NRXN1: variants seen among roughly 807,000 people sequenced by gnomAD.
NRXN1 encodes the protein neurexin 1.
A neutral mutation model predicts 150.9 loss-of-function variants in NRXN1; 39 were observed. The observed-to-expected ratio is 0.26, with a 90% CI of 0.20 to 0.34. The LOEUF (loss-of-function observed/expected upper bound fraction) is 0.34, where lower values mean the gene tolerates loss of function less well. NRXN1 is among the 10% of genes least tolerant of loss of function. The pLI, the probability that NRXN1 is intolerant of heterozygous loss-of-function variation, is 1.00. For synonymous variants in NRXN1, 924 were observed against 757.0 expected (o/e 1.22, Z -3.62); for missense variants, 1,815 against 1,949.9 (o/e 0.93, Z 1.30).
rs553115015 is a variant in NRXN1, at chr2:50,133,972, C to T, written c.3547-42478G>A. Reference sequence around the variant, plus strand: ...AGGTACTGCTGAGACCTTCTCTAAACCCCAGGAGCAGATGCATCTCTTTCA... The same window carrying T: ...AGGTACTGCTGAGACCTTCTCTAAATCCCAGGAGCAGATGCATCTCTTTCA... On this transcript the variant is annotated intron_variant, in intron 18 of 22. Transcript: ENST00000401669. Among the ~76,000 whole-genome samples the T allele has an allele frequency of 8.5e-5, 13 of 152,216 alleles. No individual in the cohort carries two copies. In the South Asian group the frequency reaches 2.5e-3, roughly 29 times the overall value.
At chr2:50,583,762 G>C (rs995786169) in intron 8 of NRXN1, among the ~76,000 whole-genome samples, 1 of 152,146 alleles carries the variant, frequency 6.6e-6, no homozygotes, top group Non-Finnish European at 1.5e-5. Context: ...ACCCCGACCA[G>C]ATGTCCTAGC....
chr2:50,271,360 A>G (rs2069602293), intron 17 of NRXN1, among the ~76,000 whole-genome samples: 2 of 152,176 alleles, frequency 1.3e-5, no homozygotes, highest in African/African-American at 2.4e-5. Context: ...TAGAGGAAAA[A>G]CCAGTGATAA....
At chr2:50,195,713 T>C (rs150073325) in intron 18 of NRXN1, among the ~76,000 whole-genome samples, 1 of 152,274 alleles carries the variant, frequency 6.6e-6, no homozygotes, top group African/African-American at 2.4e-5. Flanking sequence ...GCAATAACTA[T>C]GCCTGGGCAA....
chr2:50,127,296 A>C (rs971648086), intron 18 of NRXN1, among the ~76,000 whole-genome samples: 3 of 152,184 alleles, frequency 2.0e-5, no homozygotes, highest in Non-Finnish European at 4.4e-5. Flanking sequence ...TTTACACCAA[A>C]ACACTGCGCT....
intron 18 of NRXN1, among the ~76,000 whole-genome samples, chr2:50,092,014 G>C (rs1244326435): frequency 1.3e-5 from 2 of 152,112 alleles, no homozygotes; most frequent in Non-Finnish European, 2.9e-5. Context: ...AATACTAACA[G>C]CTTGAAAGTT....
intron 2 of NRXN1, among the ~76,000 whole-genome samples, chr2:50,973,738 G>A (rs373571244): frequency 3.0e-4 from 45 of 152,170 alleles, no homozygotes; most frequent in Middle Eastern, 3.4e-3. Context: ...TTCCTAGTAG[G>A]TAGAAAATTT....
intron 5 of NRXN1, among the ~76,000 whole-genome samples, chr2:50,686,027 C>T (rs941739481): frequency 2.0e-5 from 3 of 152,224 alleles, no homozygotes; most frequent in African/African-American, 7.2e-5. Context: ...CTTACTTCCT[C>T]TCCCTCCTGA....
chr2:50,232,168 T>G (rs544773424), intron 18 of NRXN1, among the ~76,000 whole-genome samples: 13 of 152,052 alleles, frequency 8.5e-5, no homozygotes, highest in Non-Finnish European at 2.9e-5. Context: ...ATCATATAAG[T>G]TAACTGGATC....
At chr2:50,454,664 T>TCACACACACACACACACA (rs3052512) in intron 17 of NRXN1, among the ~76,000 whole-genome samples, 1 of 140,732 alleles carries the variant, frequency 7.1e-6, no homozygotes, top group Non-Finnish European at 1.6e-5. Context: ...TGGGCAAAGA[T>TCACACACACACACACACA]CACACACACA....
At chr2:51,016,230 A>G (rs925484872) in intron 2 of NRXN1, among the ~76,000 whole-genome samples, 3 of 152,160 alleles carry the variant, frequency 2.0e-5, no homozygotes, top group Non-Finnish European at 4.4e-5. Context: ...ACCAAAAGCA[A>G]TGGCAACAAA....
chr2:50,942,389 C>T (rs1689598129), intron 2 of NRXN1, among the ~76,000 whole-genome samples: 1 of 152,128 alleles, frequency 6.6e-6, no homozygotes, highest in African/African-American at 2.4e-5. Context: ...ACTCCAGACC[C>T]CAGAATGGTA....
chr2:50,186,377 A>G (rs1032737605), intron 18 of NRXN1, among the ~76,000 whole-genome samples: 2 of 151,202 alleles, frequency 1.3e-5, no homozygotes, highest in African/African-American at 4.9e-5. Context: ...AAGGATATGA[A>G]CCTCTTAAAA....
chr2:50,731,810 C>T (rs910922227), intron 5 of NRXN1, among the ~76,000 whole-genome samples: 11 of 152,072 alleles, frequency 7.2e-5, no homozygotes, highest in African/African-American at 2.7e-4. Context: ...AGACGCAACC[C>T]AGTTTGTACA....
chr2:50,167,920 T>G (rs1158809797), intron 18 of NRXN1, among the ~76,000 whole-genome samples: 1 of 152,202 alleles, frequency 6.6e-6, no homozygotes, highest in Non-Finnish European at 1.5e-5. Flanking sequence ...ATTTCTCCAC[T>G]AGAAGGACTG....
At chr2:50,602,066 C>A (rs1676367532) in intron 8 of NRXN1, among the ~76,000 whole-genome samples, 1 of 152,104 alleles carries the variant, frequency 6.6e-6, no homozygotes, top group Admixed American at 6.6e-5. Flanking sequence ...TTAAATAAGA[C>A]TAAATGATCT....
At chr2:50,219,965 A>ATATATTATATAT (rs1553776276) in intron 18 of NRXN1, among the ~76,000 whole-genome samples, 1 of 56,798 alleles carries the variant, frequency 1.8e-5, no homozygotes, top group African/African-American at 1.0e-4. Context: ...TATATATATT[A>ATATATTATATAT]TATATATATA....
chr2:50,619,825 A>G, intron 8 of NRXN1, 197 bp downstream of exon 8: 1 of 447,516 alleles, frequency 2.2e-6, no homozygotes. Context: ...CTAATAAAGA[A>G]GAGGAACCTA....
chr2:50,655,641 T>C (rs1686329939), intron 5 of NRXN1, among the ~76,000 whole-genome samples: 1 of 151,600 alleles, frequency 6.6e-6, no homozygotes, highest in Non-Finnish European at 1.5e-5. Context: ...GTTATATTTT[T>C]TGTGTTGTTG....
chr2:50,677,904 C>A (rs1023784777), intron 5 of NRXN1, among the ~76,000 whole-genome samples: 1 of 151,850 alleles, frequency 6.6e-6, no homozygotes, highest in Non-Finnish European at 1.5e-5. Flanking sequence ...TACTTTTAAA[C>A]GACATCTCAG....
Sources: allele counts gnomAD v4.1 joint callset (sites outside exome capture counted in the v4.1 genomes callset), GRCh38; gene constraint gnomAD v4.1.1; transcripts MANE v1.5; gene names NCBI Gene and HGNC (gene_info 2026-07-23, HGNC 2026-07-21).